MYOM3: variants seen among roughly 807,000 people sequenced by gnomAD.
MYOM3 encodes myomesin 3.
Under a neutral mutation model 191.7 loss-of-function variants are expected in MYOM3, and 155 were observed. That is an observed-to-expected ratio of 0.81 (90% CI 0.71 to 0.92). The LOEUF (loss-of-function observed/expected upper bound fraction) is 0.92, where lower values mean the gene tolerates loss of function less well. MYOM3 is among the 40% of genes least tolerant of loss of function. The pLI is 0.00. For missense variants in MYOM3, 1,889 were observed against 1,890.6 expected (o/e 1.00, Z 0.02); for synonymous variants, 757 against 762.9 (o/e 0.99, Z 0.13).
chr1:24,072,098 A>G lies in MYOM3; in HGVS notation c.2969-85T>C, dbSNP rs946985589. 2.2e-6 allele frequency: 3 copies of G among 1,375,240 alleles called. No homozygotes were observed. The African/African-American group carries it at 4.3e-5, about 20-fold the overall frequency. The allele number at this position is 1,375,240 out of a possible 1,614,324, so 85.2% of individuals were successfully genotyped here. A position where few individuals can be genotyped will look rare whatever the true frequency, so the allele number is the denominator to read the frequency against. The stretch of plus-strand genomic sequence containing the variant: ...GGGGGCCCACAGGAGCCGTCCTAGG[A>G]TCCTGTGCTGGGTCAAAATTCCAAG... On this transcript the variant is annotated intron_variant, in intron 23 of 36. Transcript: ENST00000374434.
rs1354870054 is a variant in MYOM3, at chr1:24,058,924, C to T, written c.4050G>A (p.Lys1350=). Residue 1350 remains lysine (K), a splice_region_variant and synonymous_variant, in exon 36 of 37, where the codon AAG becomes AAA. Transcript: ENST00000374434. ...GCTGTGGGCTGGGAAGGGTCAGTAC[C>T]TTATCTTCCATGATAGTGGCCACAT... ...LPDVATIMED[K]TLCLTCIVSG... 1 of 1,608,778 alleles carries T rather than the reference C, an allele frequency of 6.2e-7. No homozygotes were observed. Among genetic ancestry groups the T allele is most frequent in the Non-Finnish European group, 8.5e-7 (1 of 1,177,516 alleles).
At chr1:24,081,829 G>T (rs749446254) in intron 18 of MYOM3, 172 bp downstream of exon 18, 3 of 667,708 alleles carry the variant, frequency 4.5e-6, no homozygotes, top group Non-Finnish European at 2.5e-6. Flanking sequence ...AAGCTTGGTG[G>T]CTCTAAACAG....
chr1:24,108,575 A>G lies in MYOM3; in HGVS notation c.62T>C (p.Val21Ala). ...GDPRPPQAME[V>A]HRLEHRQEEE... is the part of the protein sequence containing the mutation. ...CTCCTGCCGGTGCTCCAGCCTGTGA[A>G]CCTCCATGGCCTGGGGGGGCCGGGG... Residue 21 changes from valine to alanine, a missense_variant, in exon 2 of 37, where the codon GTT becomes GCT. Physicochemically the swap from Val to Ala is moderately conservative, Grantham distance 64. Transcript: ENST00000374434. 6.3e-7 allele frequency: 1 copy of G among 1,576,034 alleles called. No homozygotes were observed. The highest frequency in any genetic ancestry group is 8.6e-7 in the Non-Finnish European group (1 of 1,161,572).
At chr1:24,102,534 G>GA (rs1003029768) in intron 5 of MYOM3, among the ~76,000 whole-genome samples, 2 of 151,914 alleles carry the variant, frequency 1.3e-5, no homozygotes, top group East Asian at 1.9e-4. Flanking sequence ...ATCTTAAAAA[G>GA]AAAAAAAGAT....
chr1:24,081,549 C>T (rs550161503), intron 18 of MYOM3, 93 bp from the exon 19 acceptor site: 6 of 1,430,434 alleles, frequency 4.2e-6, no homozygotes, highest in Non-Finnish European at 3.8e-6. Flanking sequence ...AGCAGGTGGT[C>T]TGTGGGGGCT....
chr1:24,075,340 T>C lies in MYOM3; in HGVS notation c.2837A>G (p.Lys946Arg), dbSNP rs778825561. 3.8e-5 allele frequency: 62 copies of C among 1,612,646 alleles called. 1 individual carries two copies. In the South Asian group the frequency reaches 6.6e-4, roughly 17 times the overall value. Residue 946 changes from lysine to arginine, a missense_variant, in exon 22 of 37, where the codon AAG becomes AGG. Coordinates refer to ENST00000374434, the MANE Select transcript of MYOM3 (RefSeq NM_152372.4). ...TTACTTGTTAACTTTATCCTCGATC[T>C]TGACCCTCTGGGGGTCCAGTGGGCC... ...YKGPLDPQRV[K>R]IEDKVNKSKV...
chr1:24,060,661 C>T (rs1643359273), intron 35 of MYOM3, among the ~76,000 whole-genome samples: 1 of 152,178 alleles, frequency 6.6e-6, no homozygotes, highest in Non-Finnish European at 1.5e-5. Context: ...GGAGGCCGTG[C>T]CATGTGCCTC....
rs772694497 is a variant in MYOM3 at position 24,057,346 on chromosome 1, G to A, written c.*18C>T. 2 of 1,608,488 alleles carry A rather than the reference G, an allele frequency of 1.2e-6. No individual in the cohort carries two copies. The highest frequency in any genetic ancestry group is 2.2e-5 in the East Asian group (1 of 44,856). ...GGTCCATGTAGACTAGACTCAGACT[G>A]TGCCTGGACACACGCTGTCACATGC... On this transcript the variant is annotated 3_prime_UTR_variant, in exon 37 of 37. Transcript: ENST00000374434.
In MYOM3 at chr1:24,111,816, G is replaced by A. The variant is rs1314566153; in HGVS notation, c.-19+215C>T. Reference sequence around the variant, plus strand: ...AAGACCCAGGGCCACACAGAACAGTGGGATGGGGCAGGGGTTTCTGGAATC... The same window carrying A: ...AAGACCCAGGGCCACACAGAACAGTAGGATGGGGCAGGGGTTTCTGGAATC... On this transcript the variant is annotated intron_variant, in intron 1 of 36. Transcript: ENST00000374434. This position sits in a 1 kb window ranked among gnomAD's most constrained non-coding sequence, Gnocchi z 4.7. Among the ~76,000 whole-genome samples, 2 of 151,844 alleles carry A rather than the reference G, an allele frequency of 1.3e-5. No individual in the cohort carries two copies. The highest frequency in any genetic ancestry group is 2.9e-5 in the Non-Finnish European group (2 of 67,962).
chr1:24,106,121 C>A (rs754738677), intron 4 of MYOM3, 44 bp from the exon 5 acceptor site: 1 of 1,547,338 alleles, frequency 6.5e-7, no homozygotes, highest in Non-Finnish European at 8.7e-7. Flanking sequence ...CCAGGGACCA[C>A]CTCTCTGCCA....
In MYOM3 at chr1:24,061,072, T is replaced by A. The variant is rs1557599649; in HGVS notation, c.3982A>T (p.Ile1328Phe). 6.2e-7 allele frequency: 1 copy of A among 1,614,016 alleles called. No homozygotes were observed. Among genetic ancestry groups the A allele is most frequent in the Non-Finnish European group, 8.5e-7 (1 of 1,180,008 alleles). ...TCGGCCGACTTACTCTTCTCGATGATGGCCAAGGTTCTGAAAAACAGAAAT... is the reference window on the plus strand; with the variant it reads ...TCGGCCGACTTACTCTTCTCGATGAAGGCCAAGGTTCTGAAAAACAGAAAT... The part of the protein sequence containing the change: ...AEHQRLKTLA[I>F]IEKNRAKVVR... Residue 1328 changes from isoleucine (I) to phenylalanine (F), a missense_variant, in exon 35 of 37, where the codon ATC becomes TTC. Coordinates refer to ENST00000374434, the MANE Select transcript of MYOM3 (RefSeq NM_152372.4).
chr1:24,094,763 T>C, intron 9 of MYOM3, 90 bp downstream of exon 9: 2 of 1,307,202 alleles, frequency 1.5e-6, no homozygotes, highest in Non-Finnish European at 2.1e-6. Context: ...TTGGGGAGAG[T>C]CTCTGTCCGC....
rs1643874212 is a variant in MYOM3, at chr1:24,095,490, A to C, written c.746-4T>G. 6.2e-7 allele frequency: 1 copy of C among 1,612,854 alleles called. No homozygotes were observed. The highest frequency in any genetic ancestry group is 1.3e-5 in the African/African-American group (1 of 75,002). On this transcript the variant is annotated splice_region_variant and splice_polypyrimidine_tract_variant and intron_variant, in intron 7 of 36. Transcript: ENST00000374434. ...CCAGCATCCTTCCCCAGGTAAGCTG[A>C]AAAACCAAAGGCAAACAGAGTTGGA...
Position 24,093,782 on chromosome 1 carries a change from G to C in MYOM3, c.929-674C>G, listed in dbSNP as rs577359544. ...AAGACGTCTCAGCCTTGTTATTGCA[G>C]CTGTCAGGGATCCTGATGGCTCCCA... On this transcript the variant is annotated intron_variant, in intron 9 of 36. Transcript: ENST00000374434. 6.6e-5 allele frequency among the ~76,000 whole-genome samples: 10 copies of C among 152,276 alleles called. No homozygotes were observed. The South Asian group carries it at 1.9e-3, about 28-fold the overall frequency.
intron 33 of MYOM3, among the ~76,000 whole-genome samples, chr1:24,061,692 G>A (rs879374557): frequency 3.3e-5 from 5 of 151,834 alleles, no homozygotes; most frequent in Non-Finnish European, 5.9e-5. Context: ...CAATCCTCCC[G>A]CTTCAGCCTC....
intron 1 of MYOM3, among the ~76,000 whole-genome samples, chr1:24,108,959 C>T (rs1644018100): frequency 6.6e-6 from 1 of 152,220 alleles, no homozygotes. Context: ...CAGCCCTTGT[C>T]TCACTGTATG....
At chr1:24,068,451 G>A in intron 25 of MYOM3, 84 bp from the exon 26 acceptor site, 4 of 1,533,822 alleles carry the variant, frequency 2.6e-6, no homozygotes, top group Non-Finnish European at 3.6e-6. Context: ...TGGGCTTGGG[G>A]GTGGTAAGCA....
Position 24,063,317 on chromosome 1 carries a change from C to A in MYOM3, c.3662-83G>T, listed in dbSNP as rs1206874585. 2.9e-6 allele frequency: 4 copies of A among 1,401,018 alleles called. No individual in the cohort carries two copies. Among genetic ancestry groups the A allele is most frequent in the Non-Finnish European group, 4.0e-6 (4 of 989,054 alleles). The allele number at this position is 1,401,018 out of a possible 1,614,324, so 86.8% of individuals were successfully genotyped here. On this transcript the variant is annotated intron_variant, in intron 31 of 36. Coordinates refer to ENST00000374434, the MANE Select transcript of MYOM3 (RefSeq NM_152372.4). The surrounding 1 kb of genome is among the most constrained non-coding windows in gnomAD (Gnocchi z 4.5). ...TGGGGCCGGCTTGTCTGCCTCTGCC[C>A]TGGGGGGCAGGTGCTGTGGGGGAAA...
chr1:24,091,878 T>C (rs888775012), intron 11 of MYOM3, among the ~76,000 whole-genome samples: 1 of 152,208 alleles, frequency 6.6e-6, no homozygotes, highest in African/African-American at 2.4e-5. Flanking sequence ...GAATTCACTG[T>C]GCTCAGGGTT....
Sources: allele counts gnomAD v4.1 joint callset (sites outside exome capture counted in the v4.1 genomes callset), GRCh38; gene constraint gnomAD v4.1.1; non-coding constraint Gnocchi (gnomAD v3.1); transcripts MANE v1.5; gene names NCBI Gene and HGNC (gene_info 2026-07-23, HGNC 2026-07-21).